The following PIBF1 variants were observed in gnomAD, a reference collection of about 807,000 sequenced individuals.
PIBF1 encodes the protein progesterone-induced-blocking factor 1.
Under a neutral mutation model 112.5 loss-of-function variants are expected in PIBF1, and 90 were observed. The observed-to-expected ratio is 0.80, with a 90% confidence interval of 0.67 to 0.95. The LOEUF (loss-of-function observed/expected upper bound fraction) is 0.95. PIBF1 is among the 40% of genes least tolerant of loss of function. The pLI, the probability that PIBF1 is intolerant of heterozygous loss-of-function variation, is 0.00. For missense variants in PIBF1, 915 were observed against 852.3 expected, an observed-to-expected ratio of 1.07 and a Z score of -0.92; for synonymous variants, 301 against 288.6, an observed-to-expected ratio of 1.04 and a Z score of -0.44.
chr13:72,923,391 G>A (rs1233431962), intron 13 of PIBF1, among the ~76,000 whole-genome samples: 1 of 152,198 alleles, frequency 6.6e-6, no homozygotes, highest in Non-Finnish European at 1.5e-5. Flanking sequence ...ATACTAATTT[G>A]ACCAAGTAAC....
At chr13:72,854,270 CTA>C in intron 10 of PIBF1, 115 bp downstream of exon 10, 1 of 640,196 alleles carries the variant, frequency 1.6e-6, no homozygotes, top group East Asian at 2.8e-5. Context: ...TGAGGAGAGA[CTA>C]ATTTTCATTT....
chr13:72,859,380 A>G lies in PIBF1; in HGVS notation c.1322+5225A>G, dbSNP rs563931350. Among the ~76,000 whole-genome samples the G allele has an allele frequency of 7.9e-5, 12 of 152,312 alleles. No individual in the cohort carries two copies. In the East Asian group the frequency reaches 2.1e-3, roughly 27 times the overall value. Reference sequence around the variant, plus strand: ...GAAAATATGGGAGCAATTCAAGGCCAGGTAAATGGATTAGTAACTACTGAA... The same window carrying G: ...GAAAATATGGGAGCAATTCAAGGCCGGGTAAATGGATTAGTAACTACTGAA... On this transcript the variant is annotated intron_variant, in intron 10 of 17. Transcript: ENST00000326291.
At chr13:72,874,133 A>G (rs933000865) in intron 10 of PIBF1, among the ~76,000 whole-genome samples, 2 of 152,216 alleles carry the variant, frequency 1.3e-5, no homozygotes, top group African/African-American at 4.8e-5. Flanking sequence ...ATGTCCACAC[A>G]GTGCTTATGT....
intron 15 of PIBF1, among the ~76,000 whole-genome samples, chr13:72,971,863 G>A (rs1452757559): frequency 6.6e-6 from 1 of 151,144 alleles, no homozygotes; most frequent in Non-Finnish European, 1.5e-5. Flanking sequence ...CTTCCTTCTC[G>A]ATTACTTGGA....
intron 11 of PIBF1, among the ~76,000 whole-genome samples, chr13:72,896,379 TATAAC>T (rs1298332180): frequency 6.6e-6 from 1 of 152,028 alleles, no homozygotes; most frequent in African/African-American, 2.4e-5. Context: ...ACCCTGGTAA[TATAAC>T]AAAACAAGGC....
At chr13:72,961,076 G>A (rs2042592156) in intron 14 of PIBF1, among the ~76,000 whole-genome samples, 2 of 146,930 alleles carry the variant, frequency 1.4e-5, no homozygotes, top group Admixed American at 6.9e-5. Flanking sequence ...TTTTTTCCTG[G>A]GCTGTAGTTA....
At chr13:72,858,819 C>A (rs1379270891) in intron 10 of PIBF1, among the ~76,000 whole-genome samples, 1 of 152,036 alleles carries the variant, frequency 6.6e-6, no homozygotes, top group African/African-American at 2.4e-5. Context: ...TTTTAATACT[C>A]CTGGTGAACA....
At chr13:72,971,886 T>TG (rs1392790261) in intron 15 of PIBF1, among the ~76,000 whole-genome samples, 1 of 151,938 alleles carries the variant, frequency 6.6e-6, no homozygotes, top group Non-Finnish European at 1.5e-5. Flanking sequence ...GAGAAGAATG[T>TG]GGGCTTTCCC....
chr13:72,869,567 G>A (rs989486435), intron 10 of PIBF1, among the ~76,000 whole-genome samples: 1 of 151,496 alleles, frequency 6.6e-6, no homozygotes, highest in African/African-American at 2.4e-5. Context: ...ATATACATGT[G>A]TAACTAACCT....
At chr13:72,982,698 T>C (rs2043184283) in intron 16 of PIBF1, among the ~76,000 whole-genome samples, 1 of 152,192 alleles carries the variant, frequency 6.6e-6, no homozygotes, top group African/African-American at 2.4e-5. Context: ...TTCTTTTCAA[T>C]CTTCAATAAT....
intron 12 of PIBF1, 87 bp from the exon 13 acceptor site, chr13:72,916,989 G>A: frequency 1.3e-6 from 1 of 796,084 alleles, no homozygotes; most frequent in South Asian, 2.1e-5. Flanking sequence ...TCCCTAATTT[G>A]TTATAACCTC....
chr13:73,015,414 A>G (rs1009054617), intron 17 of PIBF1, among the ~76,000 whole-genome samples: 1 of 152,238 alleles, frequency 6.6e-6, no homozygotes, highest in East Asian at 1.9e-4. Flanking sequence ...TGATTGAGTA[A>G]TAAACCCAAG....
chr13:72,939,260 C>T (rs1173688885), intron 14 of PIBF1, among the ~76,000 whole-genome samples: 3 of 152,130 alleles, frequency 2.0e-5, no homozygotes, highest in Non-Finnish European at 4.4e-5. Context: ...ATAAGATTAA[C>T]CATTTTAAAG....
chr13:72,828,427 G>GC (rs1267423478), intron 8 of PIBF1, among the ~76,000 whole-genome samples: 2 of 151,886 alleles, frequency 1.3e-5, no homozygotes, highest in East Asian at 1.9e-4. Context: ...CCCTCCCCTA[G>GC]CCCCCCACTC....
At chr13:72,846,246 T>C (rs549587849) in intron 9 of PIBF1, among the ~76,000 whole-genome samples, 10 of 152,300 alleles carry the variant, frequency 6.6e-5, no homozygotes, top group African/African-American at 2.4e-4. Flanking sequence ...ACAACTCTAT[T>C]CTTCCACTTG....
chr13:72,942,156 A>C (rs1412866), intron 14 of PIBF1, among the ~76,000 whole-genome samples: 117,583 of 151,566 alleles, frequency 0.78, 45,924 homozygotes, highest in South Asian at 0.85. Flanking sequence ...TCACAGGACC[A>C]CACCTCAACA....
rs2044211424 is a variant in PIBF1, at chr13:73,011,786, T to A, written c.2224-4083T>A. On this transcript the variant is annotated intron_variant, in intron 17 of 17. Transcript: ENST00000326291. The stretch of plus-strand genomic sequence containing the variant: ...TTTCCCAGTACAGTATGTCCAGTTA[T>A]CAGGAAAAACTTAACCAGGTAGACT... 8.5e-5 allele frequency among the ~76,000 whole-genome samples: 13 copies of A among 152,168 alleles called. No individual in the cohort carries two copies. In the South Asian group the frequency reaches 2.7e-3, roughly 32 times the overall value.
intron 14 of PIBF1, among the ~76,000 whole-genome samples, chr13:72,943,630 C>G (rs999836821): frequency 6.6e-6 from 1 of 152,182 alleles, no homozygotes; most frequent in Non-Finnish European, 1.5e-5. Context: ...TAATCTACTT[C>G]TCATCCTCAT....
At chr13:72,967,974 A>G (rs1307964503) in intron 15 of PIBF1, among the ~76,000 whole-genome samples, 2 of 152,064 alleles carry the variant, frequency 1.3e-5, no homozygotes, top group African/African-American at 2.4e-5. Context: ...TCACGAGGTC[A>G]GGAGATCGAG....
Sources: allele counts gnomAD v4.1 joint callset (sites outside exome capture counted in the v4.1 genomes callset), GRCh38; gene constraint gnomAD v4.1.1; transcripts MANE v1.5; gene names NCBI Gene and HGNC (gene_info 2026-07-23, HGNC 2026-07-21).